Variants in EBF3 observed in about 807,000 individuals in gnomAD.
The protein encoded by EBF3 is transcription factor COE3.
EBF3 carries 18 observed loss-of-function variants against 77.1 expected under a neutral mutation model. The observed-to-expected ratio is 0.23, with a 90% CI of 0.16 to 0.35. The LOEUF is 0.35. Ranked by LOEUF, EBF3 falls within the 10% of genes least tolerant of loss-of-function variation. The pLI is 1.00. For synonymous variants in EBF3, 350 were observed against 343.5 expected (o/e 1.02, Z -0.21); for missense variants, 558 against 860.0 (o/e 0.65, Z 4.39).
intron 4 of EBF3, among the ~76,000 whole-genome samples, chr10:129,960,431 G>C (rs1008896026): frequency 1.3e-5 from 2 of 152,216 alleles, no homozygotes; most frequent in African/African-American, 4.8e-5. Context: ...GGGTGTCACC[G>C]CAGGCCAACG....
chr10:129,940,709 C>T (rs531944540), intron 6 of EBF3, among the ~76,000 whole-genome samples: 24 of 152,306 alleles, frequency 1.6e-4, no homozygotes, highest in African/African-American at 5.8e-4. Flanking sequence ...AGGGGGCTGG[C>T]AGAGGAAGAG....
At chr10:129,949,989 G>A (rs1380077217) in intron 6 of EBF3, among the ~76,000 whole-genome samples, 1 of 149,098 alleles carries the variant, frequency 6.7e-6, no homozygotes, top group Non-Finnish European at 1.5e-5. Context: ...GGAAAATATA[G>A]GCAGGAGGGT....
At chr10:129,937,391 G>A (rs1393405679) in intron 6 of EBF3, among the ~76,000 whole-genome samples, 1 of 152,128 alleles carries the variant, frequency 6.6e-6, no homozygotes, top group Non-Finnish European at 1.5e-5. Flanking sequence ...TGAGAACAGA[G>A]AGGCCCCAGG....
chr10:129,847,160 G>A (rs74428938), intron 11 of EBF3, among the ~76,000 whole-genome samples: 4 of 152,130 alleles, frequency 2.6e-5, no homozygotes, highest in South Asian at 2.1e-4. Context: ...GGAACCCCCC[G>A]AGAGCGCAGC....
chr10:129,878,215 C>T (rs150330649), intron 6 of EBF3, among the ~76,000 whole-genome samples: 83 of 152,258 alleles, frequency 5.5e-4, no homozygotes, highest in Middle Eastern at 3.4e-3. Flanking sequence ...ATGAAGGATG[C>T]CTAGTTAAAT....
At chr10:129,926,678 A>G (rs945177197) in intron 6 of EBF3, among the ~76,000 whole-genome samples, 1 of 152,154 alleles carries the variant, frequency 6.6e-6, no homozygotes. Context: ...CTACCCAAAA[A>G]AGGTGTGGAA....
Position 129,921,709 on chromosome 10 carries a change from C to T in EBF3, c.554+35549G>A, listed in dbSNP as rs191268328. On this transcript the variant is annotated intron_variant, in intron 6 of 16. Transcript: ENST00000440978. ...CTGAGCACCTGGCCTGAAGAGAGGA[C>T]CCCTGGGGGTTGTCCCAGCACAGAA... is the stretch of plus-strand genomic sequence containing the variant. Among the ~76,000 whole-genome samples, 344 of 152,318 alleles carry T rather than the reference C, an allele frequency of 2.3e-3. 2 individuals carry two copies. Among genetic ancestry groups the T allele is most frequent in the African/African-American group, 7.9e-3 (327 of 41,574 alleles).
chr10:129,892,907 G>C lies in EBF3; in HGVS notation c.555-15058C>G, dbSNP rs569185485. Among the ~76,000 whole-genome samples, 3 of 152,332 alleles carry C rather than the reference G, an allele frequency of 2.0e-5. No individual in the cohort carries two copies. The East Asian group carries it at 5.8e-4, about 29-fold the overall frequency. On this transcript the variant is annotated intron_variant, in intron 6 of 16. Coordinates refer to ENST00000440978, the MANE Select transcript of EBF3 (RefSeq NM_001375380.1). Reference sequence around the variant, plus strand: ...CCAAATATGTATTTTCCCATTTTAGGGGAGGGCGCCGGCAGCCAGCCGTTA... The same window carrying C: ...CCAAATATGTATTTTCCCATTTTAGCGGAGGGCGCCGGCAGCCAGCCGTTA...
rs750836181 is a variant in EBF3, at chr10:129,842,186, C to T, written c.1302G>A (p.Met434Ile). The change falls in exon 13 of 17, where the codon ATG becomes ATA. Residue 434 changes from methionine to isoleucine, a missense_variant. By Grantham distance (10) the Met-to-Ile change is conservative. Transcript: ENST00000440978. The surrounding 1 kb of genome is among the most constrained non-coding windows in gnomAD (Gnocchi z 4.4). The part of the protein sequence containing the change: ...TLGNNPAHTG[M>I]MGVNSFSSQL... ...GGCTGCTGAAGGAGTTGACGCCCAT[C>T]ATGCCCGTGTGTGCAGGGTTGTTGC... is the stretch of plus-strand genomic sequence containing the variant. 6.2e-7 allele frequency: 1 copy of T among 1,614,264 alleles called. No individual in the cohort carries two copies.
At chr10:129,956,872 C>A (rs532667708) in intron 6 of EBF3, among the ~76,000 whole-genome samples, 74 of 152,300 alleles carry the variant, frequency 4.9e-4, no homozygotes, top group Non-Finnish European at 9.6e-4. Flanking sequence ...TCACCCAAGT[C>A]TCAACTTCAA....
chr10:129,893,530 T>C (rs1228762916), intron 6 of EBF3, among the ~76,000 whole-genome samples: 1 of 152,226 alleles, frequency 6.6e-6, no homozygotes, highest in Non-Finnish European at 1.5e-5. Context: ...TTGATTAACA[T>C]GTTGATAGGA....
At chr10:129,917,858 T>C (rs369447293) in intron 6 of EBF3, among the ~76,000 whole-genome samples, 2 of 152,084 alleles carry the variant, frequency 1.3e-5, no homozygotes, top group South Asian at 4.1e-4. Flanking sequence ...ATCTTTAAAA[T>C]TAGGTAAGGA....
chr10:129,840,183 C>CCCA, intron 15 of EBF3, 62 bp downstream of exon 15: 561 of 1,324,580 alleles, frequency 4.2e-4, no homozygotes, highest in Non-Finnish European at 5.4e-4. Context: ...CCCCCACCCC[C>CCCA]ACTCCCATCC....
chr10:129,906,002 A>G (rs1855117264), intron 6 of EBF3, among the ~76,000 whole-genome samples: 1 of 152,240 alleles, frequency 6.6e-6, no homozygotes, highest in Non-Finnish European at 1.5e-5. Context: ...TGGCCACAAG[A>G]AAAGAATGGT....
intron 16 of EBF3, among the ~76,000 whole-genome samples, chr10:129,838,172 CCCCTCCTGCAG>C (rs2133929881): frequency 6.6e-6 from 1 of 152,370 alleles, no homozygotes; most frequent in Admixed American, 6.5e-5. Flanking sequence ...CCCAGTCCTG[CCCCTCCTGCAG>C]CCCTCCTCAA....
rs1280941475 is a variant in EBF3, at chr10:129,885,813, G to A, written c.555-7964C>T. Among the ~76,000 whole-genome samples, 2 of 152,110 alleles carry A rather than the reference G, an allele frequency of 1.3e-5. No homozygotes were observed. Among genetic ancestry groups the A allele is most frequent in the African/African-American group, 4.8e-5 (2 of 41,430 alleles). On this transcript the variant is annotated intron_variant, in intron 6 of 16. Coordinates refer to ENST00000440978, the MANE Select transcript of EBF3 (RefSeq NM_001375380.1). This position sits in a 1 kb window ranked among gnomAD's most constrained non-coding sequence, Gnocchi z 4.0. ...TGGCTCACAACAGACGCACCCCCCT[G>A]ACTTGTTGCCAGCTCCAGGGGAGGC...
At chr10:129,902,811 C>G (rs1037787108) in intron 6 of EBF3, among the ~76,000 whole-genome samples, 17 of 152,212 alleles carry the variant, frequency 1.1e-4, no homozygotes, top group African/African-American at 4.1e-4. Flanking sequence ...ACAGCAAGGA[C>G]TCGTGTGGAA....
chr10:129,848,526 T>G lies in EBF3; in HGVS notation c.1040-46A>C, dbSNP rs1418508404. 2 of 1,592,376 alleles carry G rather than the reference T, an allele frequency of 1.3e-6. No homozygotes were observed. The highest frequency in any genetic ancestry group is 2.2e-5 in the South Asian group (2 of 90,654). On this transcript the variant is annotated intron_variant, in intron 10 of 16. Coordinates refer to ENST00000440978, the MANE Select transcript of EBF3 (RefSeq NM_001375380.1). The surrounding 1 kb of genome is among the most constrained non-coding windows in gnomAD (Gnocchi z 4.4). ...GTAGATCAGGTTAATTACTTTTATGTCATCCATTACTCGTTTATTGCACAC... is the reference window on the plus strand; with the variant it reads ...GTAGATCAGGTTAATTACTTTTATGGCATCCATTACTCGTTTATTGCACAC...
At chr10:129,922,407 A>C (rs933106584) in intron 6 of EBF3, among the ~76,000 whole-genome samples, 1 of 152,118 alleles carries the variant, frequency 6.6e-6, no homozygotes, top group African/African-American at 2.4e-5. Context: ...GCCACACCCC[A>C]CCCGTGCCCC....
Sources: gnomAD v4.1 joint callset for allele counts (sites outside exome capture counted in the v4.1 genomes callset) on GRCh38, gnomAD v4.1.1 for gene constraint, Gnocchi (gnomAD v3.1) non-coding constraint, MANE v1.5 for transcripts, NCBI Gene and HGNC (gene_info 2026-07-23, HGNC 2026-07-21) for gene names.